ATF7: variants seen among roughly 807,000 people sequenced by gnomAD.
ATF7 encodes the protein cyclic AMP-dependent transcription factor ATF-7.
In ATF7, 10 loss-of-function variants were observed where a neutral mutation model predicts 50.4. That is an observed-to-expected ratio of 0.20 (90% CI 0.12 to 0.34). ATF7 has a LOEUF of 0.34. Among genes scored for constraint, ATF7 ranks in the 10% least tolerant of loss-of-function variants. The pLI, the probability that ATF7 is intolerant of heterozygous loss-of-function variation, is 1.00. For missense variants in ATF7, 465 were observed against 613.9 expected (o/e 0.76, Z 2.56); for synonymous variants, 201 against 226.4 (o/e 0.89, Z 1.01).
intron 1 of ATF7, among the ~76,000 whole-genome samples, chr12:53,607,152 T>C (rs1405681481): frequency 6.6e-6 from 1 of 152,204 alleles, no homozygotes; most frequent in Non-Finnish European, 1.5e-5. Context: ...ACTTCCACAA[T>C]GGTTGAACTA....
intron 3 of ATF7, among the ~76,000 whole-genome samples, chr12:53,546,445 T>C (rs894077611): frequency 7.3e-6 from 1 of 136,072 alleles, no homozygotes; most frequent in Admixed American, 7.9e-5. Flanking sequence ...GATGTTTTCT[T>C]TTCTTTCTTT....
At chr12:53,582,882 C>A (rs1480811733) in intron 2 of ATF7, among the ~76,000 whole-genome samples, 3 of 152,130 alleles carry the variant, frequency 2.0e-5, no homozygotes, top group African/African-American at 7.2e-5. Context: ...CCGCACCTGG[C>A]CATCAATTAC....
chr12:53,591,620 G>A (rs1942941247), intron 2 of ATF7, among the ~76,000 whole-genome samples: 2 of 152,176 alleles, frequency 1.3e-5, no homozygotes, highest in African/African-American at 2.4e-5. Flanking sequence ...ACCTGTGCTG[G>A]TGCCAATCTT....
At chr12:53,553,242 A>G (rs1326103082) in intron 2 of ATF7, among the ~76,000 whole-genome samples, 1 of 152,218 alleles carries the variant, frequency 6.6e-6, no homozygotes, top group Admixed American at 6.6e-5. Context: ...GGCCAGCAAT[A>G]ATGGCACATA....
intron 3 of ATF7, among the ~76,000 whole-genome samples, chr12:53,544,381 C>T (rs1053173511): frequency 2.0e-5 from 3 of 152,130 alleles, no homozygotes; most frequent in South Asian, 2.1e-4. Flanking sequence ...TACCCCAAAC[C>T]GCTAGAATGA....
At position 53,587,832 on chromosome 12, in the gene ATF7, TATATATA is replaced by T. The variant is rs1176307314; in HGVS notation, c.48+13114_48+13120del. On this transcript the variant is annotated intron_variant, in intron 2 of 11. Coordinates refer to ENST00000420353, the MANE Select transcript of ATF7 (RefSeq NM_006856.3). Reference sequence around the variant, plus strand: ...ATGTATACTTCTACATATATATATATATATATATATATTTTTTTTTTTTTTTCTTTTT... The same window carrying T: ...ATGTATACTTCTACATATATATATATTATATTTTTTTTTTTTTTTCTTTTT... Among the ~76,000 whole-genome samples, 3 of 45,374 alleles carry T rather than the reference TATATATA, an allele frequency of 6.6e-5. No individual in the cohort carries two copies. The Admixed American group carries it at 1.0e-3, about 15-fold the overall frequency. 29.8% of individuals were successfully genotyped at this position (45,374 alleles called of 152,430 possible). A position where few individuals can be genotyped will look rare whatever the true frequency, so the allele number is the denominator to read the frequency against.
At chr12:53,593,344 T>A (rs1191899249) in intron 2 of ATF7, among the ~76,000 whole-genome samples, 2 of 152,214 alleles carry the variant, frequency 1.3e-5, no homozygotes, top group South Asian at 2.1e-4. Flanking sequence ...CAGTGAGTTA[T>A]GATTGCACCA....
intron 2 of ATF7, among the ~76,000 whole-genome samples, chr12:53,571,960 G>A (rs1941789510): frequency 1.3e-5 from 2 of 151,862 alleles, no homozygotes; most frequent in Admixed American, 6.6e-5. Context: ...ACAGACACTC[G>A]GCAGGCCGAG....
chr12:53,527,832 A>G (rs1376550064), intron 9 of ATF7, among the ~76,000 whole-genome samples: 1 of 151,764 alleles, frequency 6.6e-6, no homozygotes, highest in Admixed American at 6.6e-5. Flanking sequence ...CTCCATTAAT[A>G]TAGATAATTA....
chr12:53,549,435 C>T (rs1431462604), intron 3 of ATF7, among the ~76,000 whole-genome samples: 2 of 150,206 alleles, frequency 1.3e-5, no homozygotes, highest in East Asian at 2.0e-4. Flanking sequence ...CAGAGTTTTG[C>T]TCTTATTGCC....
intron 2 of ATF7, among the ~76,000 whole-genome samples, chr12:53,554,275 C>T (rs1008585722): frequency 2.5e-4 from 38 of 152,046 alleles, no homozygotes; most frequent in Admixed American, 2.3e-3. Flanking sequence ...GGACTACAGG[C>T]GCATGCCACC....
In ATF7 at chr12:53,524,450, G is replaced by T. The variant is rs1343388502; in HGVS notation, c.1125+114C>A. The T allele has an allele frequency of 2.0e-5, 24 of 1,192,998 alleles. No homozygotes were observed. The East Asian group carries it at 4.9e-4, about 24-fold the overall frequency. 73.9% of individuals were successfully genotyped at this position (1,192,998 alleles called of 1,614,324 possible). ...TAAGAGATTCTTCATGGGACAACTA[G>T]ATCTGTCCTAATTAGAGAATTACCA... On this transcript the variant is annotated intron_variant, in intron 10 of 11. Transcript: ENST00000420353. The surrounding 1 kb of genome is among the most constrained non-coding windows in gnomAD (Gnocchi z 4.6).
intron 11 of ATF7, among the ~76,000 whole-genome samples, chr12:53,520,263 C>T (rs1938031102): frequency 6.6e-6 from 1 of 152,020 alleles, no homozygotes; most frequent in Non-Finnish European, 1.5e-5. Flanking sequence ...TTGGGAACTT[C>T]ATCTGGTTTC....
chr12:53,543,393 G>A lies in ATF7; in HGVS notation c.201C>T (p.Phe67=), dbSNP rs1428055162. The A allele has an allele frequency of 6.2e-7, 1 of 1,603,218 alleles. No homozygotes were observed. The highest frequency in any genetic ancestry group is 8.5e-7 in the Non-Finnish European group (1 of 1,174,182). The change falls in exon 4 of 12, where the codon TTC becomes TTT. Residue 67 remains phenylalanine, a synonymous_variant. Coordinates refer to ENST00000420353, the MANE Select transcript of ATF7 (RefSeq NM_006856.3). The stretch of plus-strand genomic sequence containing the variant: ...GTTCAAAGGAGCTAGCTAGTTCATT[G>A]AAGAGTCCCACCTCCTCACAGTTCT... ...FLKNCEEVGL[F]NELASSFEHE...
At chr12:53,566,700 G>C (rs191061410) in intron 2 of ATF7, among the ~76,000 whole-genome samples, 122 of 152,268 alleles carry the variant, frequency 8.0e-4, no homozygotes, top group Non-Finnish European at 1.4e-3. Context: ...TGCTGAAACA[G>C]TCCTAATTCT....
At chr12:53,610,641 C>G (rs1215369731) in intron 1 of ATF7, among the ~76,000 whole-genome samples, 2 of 150,810 alleles carry the variant, frequency 1.3e-5, no homozygotes, top group African/African-American at 4.9e-5. Flanking sequence ...CTACTTACAA[C>G]TGAATCATGT....
chr12:53,552,142 G>T (rs1261566172), intron 3 of ATF7, among the ~76,000 whole-genome samples: 1 of 152,180 alleles, frequency 6.6e-6, no homozygotes, highest in Non-Finnish European at 1.5e-5. Context: ...ACACCCAGTG[G>T]AAGAGAAGCA....
At chr12:53,608,127 G>A (rs1211727936) in intron 1 of ATF7, among the ~76,000 whole-genome samples, 2 of 149,122 alleles carry the variant, frequency 1.3e-5, no homozygotes, top group African/African-American at 5.0e-5. Flanking sequence ...GGCTGAGGCA[G>A]AAGAATCACT....
At chr12:53,529,105 G>T (rs964604041) in intron 9 of ATF7, among the ~76,000 whole-genome samples, 1 of 152,056 alleles carries the variant, frequency 6.6e-6, no homozygotes, top group African/African-American at 2.4e-5. Context: ...AAAAGAGGAA[G>T]CTGGACATGC....
Sources: allele counts gnomAD v4.1 joint callset (sites outside exome capture counted in the v4.1 genomes callset), GRCh38; gene constraint gnomAD v4.1.1; non-coding constraint Gnocchi (gnomAD v3.1); transcripts MANE v1.5; gene names NCBI Gene and HGNC (gene_info 2026-07-23, HGNC 2026-07-21).